MAPK8: variants seen among roughly 807,000 people sequenced by gnomAD.
The protein encoded by MAPK8 is mitogen-activated protein kinase 8, also known as JUN N-terminal kinase.
Under a neutral mutation model 52.9 loss-of-function variants are expected in MAPK8, and 13 were observed. That is an observed-to-expected ratio of 0.25 (90% CI 0.16 to 0.39). The LOEUF (loss-of-function observed/expected upper bound fraction) is 0.39. Ranked by LOEUF, MAPK8 falls within the 10% of genes least tolerant of loss-of-function variation. The probability of loss-of-function intolerance (pLI) is 1.00; values close to 1 mark genes in which losing one functional copy is unlikely to be tolerated. For missense variants in MAPK8, 300 were observed against 519.2 expected (o/e 0.58, Z 4.10); for synonymous variants, 191 against 169.8 (o/e 1.12, Z -0.97).
chr10:48,402,543 A>T (rs2042213744), intron 2 of MAPK8, among the ~76,000 whole-genome samples: 8 of 152,262 alleles, frequency 5.3e-5, no homozygotes. Flanking sequence ...ACTGAAATGC[A>T]GATCACTCTT....
chr10:48,372,583 A>G (rs981027476), intron 1 of MAPK8, among the ~76,000 whole-genome samples: 1 of 152,138 alleles, frequency 6.6e-6, no homozygotes, highest in African/African-American at 2.4e-5. Flanking sequence ...AGCATACACA[A>G]GTATCAATAG....
chr10:48,408,643 A>G lies in MAPK8; in HGVS notation c.253-1236A>G, dbSNP rs567156558. Among the ~76,000 whole-genome samples, 52 of 152,334 alleles carry G rather than the reference A, an allele frequency of 3.4e-4. No homozygotes were observed. The Middle Eastern group carries it at 0.01, about 30-fold the overall frequency. On this transcript the variant is annotated intron_variant, in intron 3 of 11. Transcript: ENST00000374189. The stretch of plus-strand genomic sequence containing the variant: ...AATTTTTGAGGAGGTAAGTAATATG[A>G]TCAGGTCTTTCTTTTACCATATTAT...
chr10:48,371,488 G>A (rs918408006), intron 1 of MAPK8, among the ~76,000 whole-genome samples: 3 of 152,024 alleles, frequency 2.0e-5, no homozygotes, highest in African/African-American at 7.2e-5. Context: ...GCACTTTACT[G>A]TGTTATAGTT....
intron 1 of MAPK8, among the ~76,000 whole-genome samples, chr10:48,308,760 T>C (rs1588886935): frequency 6.6e-6 from 1 of 152,246 alleles, no homozygotes; most frequent in Admixed American, 6.5e-5. Flanking sequence ...ATTAGAAATA[T>C]TTCTAATATT....
In MAPK8 at chr10:48,306,742, G is replaced by T. The variant is rs1452279477; in HGVS notation, c.-129G>T. ...GATTGCGGAGCCGCGAGCAGCGCTG[G>T]GTAACGGCCGCGGCGACCACCCCGG... On this transcript the variant is annotated 5_prime_UTR_variant, in exon 1 of 12. Coordinates refer to ENST00000374189, the MANE Select transcript of MAPK8 (RefSeq NM_001323329.2). The T allele has an allele frequency of 6.6e-6, 1 of 151,440 alleles. No homozygotes were observed. The highest frequency in any genetic ancestry group is 1.5e-5 in the Non-Finnish European group (1 of 67,762). The allele number at this position is 151,440 out of a possible 1,614,324, so 9.4% of individuals were successfully genotyped here. A position where few individuals can be genotyped will look rare whatever the true frequency, so the allele number is the denominator to read the frequency against.
chr10:48,394,109 T>C (rs569269168), intron 1 of MAPK8, among the ~76,000 whole-genome samples: 24 of 152,058 alleles, frequency 1.6e-4, no homozygotes, highest in African/African-American at 5.5e-4. Context: ...CAAACAGCCC[T>C]ATGTTTATAA....
intron 8 of MAPK8, 90 bp from the exon 9 acceptor site, chr10:48,426,290 T>C (rs1335011526): frequency 1.8e-5 from 21 of 1,169,676 alleles, no homozygotes; most frequent in Non-Finnish European, 2.4e-5. Flanking sequence ...TTAAAACATA[T>C]GCTTTTTAAA....
At chr10:48,344,024 T>C (rs1845538186) in intron 1 of MAPK8, among the ~76,000 whole-genome samples, 1 of 152,182 alleles carries the variant, frequency 6.6e-6, no homozygotes, top group African/African-American at 2.4e-5. Flanking sequence ...CCTCTACTGC[T>C]TACCCCGTGA....
chr10:48,377,894 A>G (rs1168389733), intron 1 of MAPK8, among the ~76,000 whole-genome samples: 2 of 152,194 alleles, frequency 1.3e-5, no homozygotes, highest in African/African-American at 4.8e-5. Context: ...TTTTCTATAC[A>G]TTGTTAAATT....
In MAPK8 at chr10:48,435,046, GGGGTGGGAGGGAT is replaced by G; in HGVS notation, c.*21_*33del. 1 of 1,506,194 alleles carries G rather than the reference GGGGTGGGAGGGAT, an allele frequency of 6.6e-7. No individual in the cohort carries two copies. The highest frequency in any genetic ancestry group is 9.0e-7 in the Non-Finnish European group (1 of 1,111,250). 93.3% of individuals were successfully genotyped at this position (1,506,194 alleles called of 1,614,324 possible). On this transcript the variant is annotated 3_prime_UTR_variant, in exon 12 of 12. Coordinates refer to ENST00000374189, the MANE Select transcript of MAPK8 (RefSeq NM_001323329.2). The stretch of plus-strand genomic sequence containing the variant: ...TGTAGATGACTACTTGGGCCATCGG[GGGGTGGGAGGGAT>G]GGGGAGTCGGTTAGTCATTGATAGA...
chr10:48,437,404 G>A lies in MAPK8; in HGVS notation c.*2375G>A, dbSNP rs1330590161. On this transcript the variant is annotated 3_prime_UTR_variant, in exon 12 of 12. Coordinates refer to ENST00000374189, the MANE Select transcript of MAPK8 (RefSeq NM_001323329.2). ...ATAACATTTCTATCAGGTAGTACTT[G>A]TATGAAACCACCTTTCTTATTCTAT... The A allele has an allele frequency of 3.3e-5, 5 of 151,910 alleles. No individual in the cohort carries two copies. The highest frequency in any genetic ancestry group is 1.2e-4 in the African/African-American group (5 of 41,330). The allele number at this position is 151,910 out of a possible 1,614,324, so 9.4% of individuals were successfully genotyped here.
At chr10:48,357,682 C>T (rs1847111132) in intron 1 of MAPK8, among the ~76,000 whole-genome samples, 1 of 152,200 alleles carries the variant, frequency 6.6e-6, no homozygotes, top group Non-Finnish European at 1.5e-5. Context: ...ATAGGTTACA[C>T]TGCACCTGGC....
intron 5 of MAPK8, among the ~76,000 whole-genome samples, chr10:48,418,530 A>G (rs1223151091): frequency 6.6e-6 from 1 of 152,176 alleles, no homozygotes; most frequent in African/African-American, 2.4e-5. Context: ...GCAGGAGATG[A>G]CAGGAAGTTG....
intron 1 of MAPK8, among the ~76,000 whole-genome samples, chr10:48,312,741 A>G (rs1842090123): frequency 6.6e-6 from 1 of 152,230 alleles, no homozygotes; most frequent in Admixed American, 6.5e-5. Context: ...CAGTTAAACA[A>G]AAACCAAAGC....
At chr10:48,342,651 A>C (rs6537561) in intron 1 of MAPK8, among the ~76,000 whole-genome samples, 1 of 151,944 alleles carries the variant, frequency 6.6e-6, no homozygotes, top group Non-Finnish European at 1.5e-5. Context: ...ATTTAGAGGG[A>C]AACAGTATAA....
chr10:48,419,331 T>G (rs1009127392), intron 5 of MAPK8, among the ~76,000 whole-genome samples: 2 of 152,222 alleles, frequency 1.3e-5, no homozygotes, highest in African/African-American at 4.8e-5. Context: ...GTGTTGTGGA[T>G]TTATGCTTTC....
Position 48,426,052 on chromosome 10 carries a change from G to A in MAPK8, c.853G>A (p.Glu285Lys). Reference protein sequence around the residue: ...FPDVLFPADSEHNKLKASQAR... With the variant: ...FPDVLFPADSKHNKLKASQAR... ...TGATGTCCTTTTCCCAGCTGACTCA[G>A]AACACAACAAACTTAAAGGTACTTT... The change falls in exon 8 of 12, where the codon GAA becomes AAA. Residue 285 changes from glutamate (E) to lysine (K), a missense_variant. Glu to Lys is a moderately conservative substitution (Grantham distance 56). Transcript: ENST00000374189. The A allele has an allele frequency of 6.2e-7, 1 of 1,610,324 alleles. No homozygotes were observed. The highest frequency in any genetic ancestry group is 8.5e-7 in the Non-Finnish European group (1 of 1,178,536).
rs2044865453 is a variant in MAPK8, at chr10:48,436,542, G to A, written c.*1513G>A. Reference sequence around the variant, plus strand: ...AATGCATACTCACATAAGCAACAAGGTTCTAGGCAGAAAGCCCCTTGGAAT... The same window carrying A: ...AATGCATACTCACATAAGCAACAAGATTCTAGGCAGAAAGCCCCTTGGAAT... On this transcript the variant is annotated 3_prime_UTR_variant, in exon 12 of 12. Transcript: ENST00000374189. 6.6e-6 allele frequency: 1 copy of A among 152,182 alleles called. No individual in the cohort carries two copies. The highest frequency in any genetic ancestry group is 1.9e-4 in the East Asian group (1 of 5,202). The allele number at this position is 152,182 out of a possible 1,614,324, so 9.4% of individuals were successfully genotyped here.
chr10:48,391,005 A>G (rs1401896153), intron 1 of MAPK8, among the ~76,000 whole-genome samples: 6 of 152,218 alleles, frequency 3.9e-5, no homozygotes, highest in Admixed American at 3.9e-4. Flanking sequence ...GTTTGAATGG[A>G]AAAGGCTTAT....
Sources: gnomAD v4.1 joint callset for allele counts (sites outside exome capture counted in the v4.1 genomes callset) on GRCh38, gnomAD v4.1.1 for gene constraint, MANE v1.5 for transcripts, NCBI Gene and HGNC (gene_info 2026-07-23, HGNC 2026-07-21) for gene names.